Variants in VRK2 observed in about 807,000 individuals in gnomAD.
VRK2 encodes serine/threonine-protein kinase VRK2.
In VRK2, 60 loss-of-function variants were observed where a neutral mutation model predicts 57.6. The ratio of observed to expected loss-of-function variants is 1.04; its 90% CI spans 0.85 to 1.29. VRK2 has a LOEUF of 1.29. Ranked by LOEUF, VRK2 falls within the 50% of genes most tolerant of loss-of-function variation. The pLI is 0.00. For synonymous variants in VRK2, 231 were observed against 199.2 expected (o/e 1.16, Z -1.35); for missense variants, 705 against 588.1 (o/e 1.20, Z -2.06).
chr2:57,919,414 G>A (rs1296504969), intron 1 of VRK2, among the ~76,000 whole-genome samples: 3 of 151,886 alleles, frequency 2.0e-5, no homozygotes, highest in Admixed American at 6.6e-5. Context: ...AGTGACTTTC[G>A]ATTTCTGGCT....
intron 10 of VRK2, among the ~76,000 whole-genome samples, chr2:58,136,980 T>G (rs1265277419): frequency 7.4e-6 from 1 of 134,544 alleles, no homozygotes; most frequent in African/African-American, 2.8e-5. Flanking sequence ...ATATTATATA[T>G]CATATATATG....
At chr2:58,082,044 A>G (rs1270195984) in intron 2 of VRK2, among the ~76,000 whole-genome samples, 2 of 151,956 alleles carry the variant, frequency 1.3e-5, no homozygotes, top group South Asian at 2.1e-4. Flanking sequence ...ACCCGTCTCT[A>G]AGAGCTTTCT....
intron 1 of VRK2, among the ~76,000 whole-genome samples, chr2:58,013,590 G>C (rs1343789990): frequency 1.1e-4 from 17 of 152,034 alleles, no homozygotes; most frequent in Admixed American, 1.0e-3. Flanking sequence ...AAAGATACAG[G>C]GCCGGGCGCG....
chr2:57,994,284 G>C (rs1014579800), intron 1 of VRK2, among the ~76,000 whole-genome samples: 13 of 152,146 alleles, frequency 8.5e-5, no homozygotes, highest in African/African-American at 3.1e-4. Flanking sequence ...CTAATGGAGA[G>C]GGAAATGGTA....
intron 1 of VRK2, among the ~76,000 whole-genome samples, chr2:57,911,715 T>A (rs1390505994): frequency 6.6e-6 from 1 of 152,226 alleles, no homozygotes; most frequent in Non-Finnish European, 1.5e-5. Context: ...CATACATTTA[T>A]GGATATAATT....
In VRK2 at chr2:58,083,124, A is replaced by G. The variant is rs376107436; in HGVS notation, c.137-965A>G. On this transcript the variant is annotated intron_variant, in intron 2 of 12. Transcript: ENST00000340157. ...CAAGTCTGTTTCTTACTGATTTTCA[A>G]TTGTAGTCAATACTAGTTCCACCTT... Among the ~76,000 whole-genome samples the G allele has an allele frequency of 3.6e-4, 54 of 151,910 alleles. No individual in the cohort carries two copies. The South Asian group carries it at 9.7e-3, about 27-fold the overall frequency.
At chr2:57,977,249 G>C (rs531730215) in intron 1 of VRK2, among the ~76,000 whole-genome samples, 5 of 152,156 alleles carry the variant, frequency 3.3e-5, no homozygotes, top group African/African-American at 1.2e-4. Context: ...TTCTAATTCT[G>C]TGAAAAATAA....
chr2:57,922,518 A>T (rs1670385946), intron 1 of VRK2, among the ~76,000 whole-genome samples: 1 of 151,484 alleles, frequency 6.6e-6, no homozygotes, highest in African/African-American at 2.4e-5. Flanking sequence ...ATTGTAAGCT[A>T]AGAGAGTAGA....
At chr2:57,929,736 T>C (rs1670658261) in intron 1 of VRK2, among the ~76,000 whole-genome samples, 2 of 152,130 alleles carry the variant, frequency 1.3e-5, no homozygotes, top group Admixed American at 1.3e-4. Context: ...TGGGTGTCAT[T>C]GCTGATTATT....
At chr2:57,952,756 A>G (rs1671465812) in intron 1 of VRK2, among the ~76,000 whole-genome samples, 2 of 152,044 alleles carry the variant, frequency 1.3e-5, no homozygotes, top group African/African-American at 4.8e-5. Flanking sequence ...AAATGAAAAA[A>G]AAAAAAAACA....
intron 7 of VRK2, among the ~76,000 whole-genome samples, chr2:58,121,290 A>T (rs1389956180): frequency 6.6e-6 from 1 of 152,264 alleles, no homozygotes. Context: ...GCTCTTTTTT[A>T]AAATAGTAAA....
At chr2:58,035,752 GA>G in intron 3 of VRK2, among the ~76,000 whole-genome samples, 1 of 152,178 alleles carries the variant, frequency 6.6e-6, no homozygotes, top group East Asian at 1.9e-4. Context: ...CATGATGTAT[GA>G]AAGGGCAGTA....
At chr2:58,096,688 A>T (rs550176805) in intron 7 of VRK2, among the ~76,000 whole-genome samples, 4 of 150,790 alleles carry the variant, frequency 2.7e-5, no homozygotes, top group African/African-American at 9.7e-5. Flanking sequence ...CATTAATGAG[A>T]TTTTTTCTTT....
chr2:57,991,906 C>T (rs1452333471), intron 1 of VRK2, among the ~76,000 whole-genome samples: 2 of 149,812 alleles, frequency 1.3e-5, no homozygotes, highest in African/African-American at 2.5e-5. Flanking sequence ...TGCAGTGAGC[C>T]GAGATCGCGC....
At chr2:58,040,845 T>C (rs775401873) in intron 3 of VRK2, among the ~76,000 whole-genome samples, 3 of 152,304 alleles carry the variant, frequency 2.0e-5, no homozygotes, top group South Asian at 2.1e-4. Context: ...ATTTGGGGAA[T>C]AGAAGGTTCG....
chr2:58,057,351 GTTTA>G, intron 2 of VRK2, among the ~76,000 whole-genome samples: 1 of 152,202 alleles, frequency 6.6e-6, no homozygotes, highest in Admixed American at 6.5e-5. Context: ...AAAAGTATGT[GTTTA>G]TTCTCTTTTC....
chr2:57,933,309 C>CTTTTTTTTTTTTTTTTTTTTTTTT (rs71394403), intron 1 of VRK2, among the ~76,000 whole-genome samples: 46 of 63,294 alleles, frequency 7.3e-4, no homozygotes, highest in Middle Eastern at 0.04. Context: ...CTTTCTTTTT[C>CTTTTTTTTTTTTTTTTTTTTTTTT]TTTTTTTTTT....
chr2:57,923,083 T>C (rs112870892), intron 1 of VRK2, among the ~76,000 whole-genome samples: 1 of 152,078 alleles, frequency 6.6e-6, no homozygotes, highest in Non-Finnish European at 1.5e-5. Flanking sequence ...TAGTACTCCA[T>C]TGTGTATGTG....
chr2:58,135,180 T>TC lies in VRK2; in HGVS notation c.839dup (p.Ser281PhefsTer7), dbSNP rs1282353060. ...TCCCCCAGTCAGTGCTTAAATGGGCTCCTTCTGGAAGCAGTTGCTGTAAGT... is the reference window on the plus strand; with the variant it reads ...TCCCCCAGTCAGTGCTTAAATGGGCTCCCTTCTGGAAGCAGTTGCTGTAAGT... On this transcript the variant is annotated frameshift_variant, in exon 10 of 13. Coordinates refer to ENST00000340157, the MANE Select transcript of VRK2 (RefSeq NM_006296.7). LOFTEE classifies it high-confidence loss of function. The TC allele has an allele frequency of 1.2e-6, 2 of 1,614,108 alleles. No homozygotes were observed. Among genetic ancestry groups the TC allele is most frequent in the Non-Finnish European group, 1.7e-6 (2 of 1,180,036 alleles).
Sources: allele counts gnomAD v4.1 joint callset (sites outside exome capture counted in the v4.1 genomes callset), GRCh38; gene constraint gnomAD v4.1.1; transcripts MANE v1.5; gene names NCBI Gene and HGNC (gene_info 2026-07-23, HGNC 2026-07-21).